The following RAB37 variants were observed in gnomAD, a reference collection of about 807,000 sequenced individuals.
RAB37 encodes the protein RAB37, member RAS oncogene family.
In RAB37, 29 loss-of-function variants were observed where a neutral mutation model predicts 33.1. The observed-to-expected ratio is 0.88, with a 90% CI of 0.65 to 1.20. The LOEUF is 1.20. RAB37 is among the 50% of genes most tolerant of loss of function. The pLI is 0.00. For missense variants in RAB37, 299 were observed against 301.1 expected, an observed-to-expected ratio of 0.99 and a Z score of 0.05; for synonymous variants, 128 against 119.5, an observed-to-expected ratio of 1.07 and a Z score of -0.47.
Position 74,723,467 on chromosome 17 carries a change from A to G in RAB37, c.73-5789A>G, listed in dbSNP as rs576485893. 1.5e-4 allele frequency among the ~76,000 whole-genome samples: 23 copies of G among 151,890 alleles called. No individual in the cohort carries two copies. The South Asian group carries it at 3.7e-3, about 25-fold the overall frequency. On this transcript the variant is annotated intron_variant, in intron 1 of 7. Transcript: ENST00000340415. ...CACCTGTCCCCATTGGAAGTGAATG[A>G]GGCACAAATACAGATATAAACAAAA...
At chr17:74,743,419 T>C (rs919429501) in intron 5 of RAB37, 79 bp downstream of exon 5, 54 of 1,446,984 alleles carry the variant, frequency 3.7e-5, no homozygotes, top group Non-Finnish European at 5.1e-5. Flanking sequence ...CTTCCTGCCC[T>C]GTGGAAAGCG....
Position 74,747,301 on chromosome 17 carries a change from T to A in RAB37, c.*1890T>A, listed in dbSNP as rs1218403817. 1 of 147,146 alleles carries A rather than the reference T, an allele frequency of 6.8e-6. No homozygotes were observed. The highest frequency in any genetic ancestry group is 2.5e-5 in the African/African-American group (1 of 39,994). 9.1% of individuals were successfully genotyped at this position (147,146 alleles called of 1,614,324 possible). A position where few individuals can be genotyped will look rare whatever the true frequency, so the allele number is the denominator to read the frequency against. Reference sequence around the variant, plus strand: ...CAGCTCTGGGCCTCTTGCATTTGAGTTTTTCAGAATTAAACTGCAGTATTT... The same window carrying A: ...CAGCTCTGGGCCTCTTGCATTTGAGATTTTCAGAATTAAACTGCAGTATTT... On this transcript the variant is annotated 3_prime_UTR_variant, in exon 9 of 9. Coordinates refer to ENST00000392613, the MANE Select transcript of RAB37 (RefSeq NM_001006638.3).
intron 1 of RAB37, among the ~76,000 whole-genome samples, 189 bp downstream of exon 1, chr17:74,737,554 G>A (rs991367793): frequency 1.3e-5 from 2 of 152,148 alleles, no homozygotes; most frequent in African/African-American, 4.8e-5. Flanking sequence ...GTGGGGGCGG[G>A]TCGCGGAAGA....
intron 1 of RAB37, among the ~76,000 whole-genome samples, chr17:74,728,775 G>A (rs2034343528): frequency 2.6e-5 from 4 of 151,522 alleles, no homozygotes; most frequent in Admixed American, 6.6e-5. Context: ...GTGCATGTAT[G>A]TTTCTGTGTC....
In RAB37 at chr17:74,729,911, T is replaced by C. The variant is rs1020722561; in HGVS notation, c.183+545T>C. Among the ~76,000 whole-genome samples the C allele has an allele frequency of 6.6e-6, 1 of 152,174 alleles. No homozygotes were observed. Among genetic ancestry groups the C allele is most frequent in the African/African-American group, 2.4e-5 (1 of 41,440 alleles). ...CAAAGTTTTCAGCACAGTCCAAACT[T>C]AGCAGTCACACGGGTCTCAGGGAGC... On this transcript the variant is annotated intron_variant, in intron 2 of 7. Transcript: ENST00000340415. This position sits in a 1 kb window ranked among gnomAD's most constrained non-coding sequence, Gnocchi z 4.2.
chr17:74,736,551 T>C (rs1379624835), upstream of RAB37: 5 of 1,476,144 alleles, frequency 3.4e-6, no homozygotes, highest in Non-Finnish European at 4.5e-6. Context: ...CGGCCCCGCC[T>C]TCAGGAGCGG....
intron 1 of RAB37, among the ~76,000 whole-genome samples, chr17:74,739,975 G>C (rs1313229165): frequency 1.3e-5 from 2 of 151,806 alleles, no homozygotes; most frequent in African/African-American, 4.8e-5. Context: ...TGGCCAACAT[G>C]GAGAAACCCC....
At chr17:74,675,527 G>A (rs1024568068) in intron 1 of RAB37, among the ~76,000 whole-genome samples, 7 of 151,944 alleles carry the variant, frequency 4.6e-5, no homozygotes, top group Admixed American at 3.3e-4. Context: ...AAAATGATGA[G>A]CTTTGTGAGA....
intron 1 of RAB37, among the ~76,000 whole-genome samples, chr17:74,689,453 GA>G (rs982533985): frequency 2.6e-5 from 4 of 151,508 alleles, no homozygotes; most frequent in African/African-American, 7.3e-5. Context: ...GAAAAAAAAA[GA>G]AAAAAGAAAG....
chr17:74,744,770 T>G lies in RAB37; in HGVS notation c.433-103T>G. On this transcript the variant is annotated intron_variant, in intron 6 of 8. Coordinates refer to ENST00000392613, the MANE Select transcript of RAB37 (RefSeq NM_001006638.3). The surrounding 1 kb of genome is among the most constrained non-coding windows in gnomAD (Gnocchi z 4.2). ...CCAATCACACCTGCCTGCAGTCCCTTGGGCCACCAGCAGAGGGCAGGCAAC... is the reference window on the plus strand; with the variant it reads ...CCAATCACACCTGCCTGCAGTCCCTGGGGCCACCAGCAGAGGGCAGGCAAC... 1 of 1,384,526 alleles carries G rather than the reference T, an allele frequency of 7.2e-7. No homozygotes were observed. The highest frequency in any genetic ancestry group is 1.0e-6 in the Non-Finnish European group (1 of 971,962). The allele number at this position is 1,384,526 out of a possible 1,614,324, so 85.8% of individuals were successfully genotyped here.
At chr17:74,695,938 G>C (rs2032424071) in intron 1 of RAB37, 1 of 1,508,336 alleles carries the variant, frequency 6.6e-7, no homozygotes, top group African/African-American at 1.4e-5. Context: ...GGGACGGGAC[G>C]AGAGCCTCTC....
intron 1 of RAB37, among the ~76,000 whole-genome samples, chr17:74,693,747 G>A (rs1283430865): frequency 6.6e-6 from 1 of 152,140 alleles, no homozygotes; most frequent in East Asian, 1.9e-4. Context: ...TGGCCAACAA[G>A]GTAAAATCCC....
intron 1 of RAB37, among the ~76,000 whole-genome samples, chr17:74,725,252 A>C (rs558297943): frequency 6.6e-6 from 1 of 151,962 alleles, no homozygotes; most frequent in East Asian, 1.9e-4. Context: ...CCCAACCCCA[A>C]AGGAATTTTC....
At chr17:74,710,071 C>T (rs1271125230) in intron 1 of RAB37, among the ~76,000 whole-genome samples, 4 of 152,120 alleles carry the variant, frequency 2.6e-5, no homozygotes, top group Non-Finnish European at 4.4e-5. Context: ...TTCCGCCTCC[C>T]GGGTTCACGC....
At position 74,745,340 on chromosome 17, in the gene RAB37, G is replaced by A. The variant is rs745519873; in HGVS notation, c.601G>A (p.Glu201Lys). 5 of 1,614,080 alleles carry A rather than the reference G, an allele frequency of 3.1e-6. No homozygotes were observed. The highest frequency in any genetic ancestry group is 4.2e-6 in the Non-Finnish European group (5 of 1,180,014). ...LKYRAGHQAD[E>K]PSFQIRDYVE... Reference sequence around the variant, plus strand: ...ATACCGGGCCGGGCATCAGGCGGATGAGCCCAGCTTCCAGATCCGAGACTA... The same window carrying A: ...ATACCGGGCCGGGCATCAGGCGGATAAGCCCAGCTTCCAGATCCGAGACTA... Residue 201 changes from glutamate to lysine, a missense_variant, in exon 9 of 9, where the codon GAG becomes AAG. Transcript: ENST00000392613. The surrounding 1 kb of genome is among the most constrained non-coding windows in gnomAD (Gnocchi z 4.5).
intron 1 of RAB37, among the ~76,000 whole-genome samples, chr17:74,688,272 G>A (rs1010886907): frequency 2.6e-5 from 4 of 152,132 alleles, no homozygotes; most frequent in African/African-American, 4.8e-5. Context: ...GGAATTGGCC[G>A]GGCGTGGTGG....
intron 1 of RAB37, among the ~76,000 whole-genome samples, chr17:74,722,260 G>A (rs1225356487): frequency 6.6e-6 from 1 of 151,094 alleles, no homozygotes; most frequent in African/African-American, 2.4e-5. Flanking sequence ...CCTGGCCTGG[G>A]CGACAGAGCG....
chr17:74,741,512 G>A (rs2034614432), intron 2 of RAB37, among the ~76,000 whole-genome samples: 3 of 151,894 alleles, frequency 2.0e-5, no homozygotes. Flanking sequence ...CTCAAATCCG[G>A]GTGGTGGAGG....
chr17:74,744,393 G>A lies in RAB37; in HGVS notation c.432+20G>A, dbSNP rs543712765. On this transcript the variant is annotated intron_variant, in intron 6 of 8. Transcript: ENST00000392613. The surrounding 1 kb of genome is among the most constrained non-coding windows in gnomAD (Gnocchi z 4.2). ...AACAAGGTGAGTGGCTCCGGGGCAGGGTCAGCCCAGCCCTGCACTTCCTCA... is the reference window on the plus strand; with the variant it reads ...AACAAGGTGAGTGGCTCCGGGGCAGAGTCAGCCCAGCCCTGCACTTCCTCA... The A allele has an allele frequency of 5.0e-6, 8 of 1,613,198 alleles. No homozygotes were observed. In the Admixed American group the frequency reaches 8.3e-5, roughly 17 times the overall value.
Sources: allele counts gnomAD v4.1 joint callset (sites outside exome capture counted in the v4.1 genomes callset), GRCh38; gene constraint gnomAD v4.1.1; non-coding constraint Gnocchi (gnomAD v3.1); transcripts MANE v1.5; gene names NCBI Gene and HGNC (gene_info 2026-07-23, HGNC 2026-07-21).